The following NALCN variants were observed in gnomAD, a reference collection of about 807,000 sequenced individuals.
The protein encoded by NALCN is sodium leak channel, non-selective.
Under a neutral mutation model 225.3 loss-of-function variants are expected in NALCN, and 111 were observed. That is an observed-to-expected ratio of 0.49 (90% CI 0.42 to 0.58). The LOEUF (loss-of-function observed/expected upper bound fraction) is 0.58. NALCN is among the 20% of genes least tolerant of loss of function. The pLI is 0.00. For synonymous variants in NALCN, 764 were observed against 769.0 expected (o/e 0.99, Z 0.11); for missense variants, 1,378 against 2,202.4 (o/e 0.63, Z 7.49).
chr13:101,297,040 G>A (rs1016651520), intron 7 of NALCN, among the ~76,000 whole-genome samples: 1 of 152,056 alleles, frequency 6.6e-6, no homozygotes, highest in Admixed American at 6.6e-5. Flanking sequence ...TTTATTTACC[G>A]CTTTGCCCTC....
At chr13:101,316,741 G>A (rs1249174060) in intron 7 of NALCN, among the ~76,000 whole-genome samples, 1 of 152,056 alleles carries the variant, frequency 6.6e-6, no homozygotes, top group South Asian at 2.1e-4. Flanking sequence ...CAGTTTATAT[G>A]TTCCTTGCTT....
At chr13:101,353,511 A>C (rs2045964285) in intron 6 of NALCN, among the ~76,000 whole-genome samples, 1 of 152,260 alleles carries the variant, frequency 6.6e-6, no homozygotes, top group Admixed American at 6.5e-5. Flanking sequence ...GGAAAGCAAG[A>C]GTCTTATTTG....
chr13:101,124,981 A>G (rs1350668637), intron 17 of NALCN, among the ~76,000 whole-genome samples: 1 of 151,820 alleles, frequency 6.6e-6, no homozygotes, highest in African/African-American at 2.4e-5. Flanking sequence ...CTCATACTGG[A>G]CTCCTTATTT....
intron 28 of NALCN, among the ~76,000 whole-genome samples, chr13:101,090,320 T>G (rs144441133): frequency 6.6e-6 from 1 of 152,244 alleles, no homozygotes; most frequent in Admixed American, 6.5e-5. Context: ...CCCTGAGGAC[T>G]GGACAGATGA....
chr13:101,107,499 G>A lies in NALCN; in HGVS notation c.2567C>T (p.Ala856Val), dbSNP rs777060262. The stretch of plus-strand genomic sequence containing the variant: ...GAAGTGTACTTACGCGTTGAAGCGT[G>A]CTCGGACCACCACCCGGCAAAAGTT... The part of the protein sequence containing the change: ...FRNFCRVVVR[A>V]RFNASKTDPV... The change falls in exon 22 of 44, where the codon GCA (alanine) becomes GTA (valine). Residue 856 changes from alanine (A) to valine (V), a missense_variant. Physicochemically the swap from Ala to Val is moderately conservative, Grantham distance 64 (BLOSUM62 0). Coordinates refer to ENST00000251127, the MANE Select transcript of NALCN (RefSeq NM_052867.4). 6.2e-7 allele frequency: 1 copy of A among 1,614,104 alleles called. No homozygotes were observed. The highest frequency in any genetic ancestry group is 1.7e-5 in the Admixed American group (1 of 60,010).
chr13:101,277,917 C>T (rs2043018457), intron 10 of NALCN, among the ~76,000 whole-genome samples: 1 of 152,142 alleles, frequency 6.6e-6, no homozygotes, highest in Non-Finnish European at 1.5e-5. Context: ...CAGCTCTGGC[C>T]AACTCTAGCC....
chr13:101,069,266 A>G (rs2032666375), intron 37 of NALCN, among the ~76,000 whole-genome samples: 1 of 152,280 alleles, frequency 6.6e-6, no homozygotes, highest in South Asian at 2.1e-4. Flanking sequence ...TTTCAGTTCC[A>G]GACTGCTGTG....
rs543394261 is a variant in NALCN at position 101,370,627 on chromosome 13, A to G, written c.644+6073T>C. Among the ~76,000 whole-genome samples, 11 of 152,350 alleles carry G rather than the reference A, an allele frequency of 7.2e-5. No homozygotes were observed. In the East Asian group the frequency reaches 2.1e-3, roughly 29 times the overall value. ...CACAGGAACAGACCCACGTATAGAC[A>G]GGGAATTAGTGAATGAGACAGGTGA... is the stretch of plus-strand genomic sequence containing the variant. On this transcript the variant is annotated intron_variant, in intron 6 of 43. Coordinates refer to ENST00000251127, the MANE Select transcript of NALCN (RefSeq NM_052867.4).
At position 101,132,485 on chromosome 13, in the gene NALCN, C is replaced by T. The variant is rs183175724; in HGVS notation, c.2119-7804G>A. ...CATTGAATGAAGAATTTTATAGATG[C>T]CCATTGCACATTTAAAAATGTACAT... On this transcript the variant is annotated intron_variant, in intron 17 of 43. Coordinates refer to ENST00000251127, the MANE Select transcript of NALCN (RefSeq NM_052867.4). Among the ~76,000 whole-genome samples the T allele has an allele frequency of 1.5e-4, 23 of 152,126 alleles. 1 individual carries two copies. The highest frequency in any genetic ancestry group is 5.3e-4 in the African/African-American group (22 of 41,542).
chr13:101,396,209 C>T (rs968743008), intron 2 of NALCN, among the ~76,000 whole-genome samples: 1 of 151,848 alleles, frequency 6.6e-6, no homozygotes, highest in African/African-American at 2.4e-5. Flanking sequence ...AATATATATA[C>T]AGGACATACA....
intron 1 of NALCN, among the ~76,000 whole-genome samples, chr13:101,411,205 TTC>T (rs760054154): frequency 4.0e-5 from 5 of 124,110 alleles, no homozygotes; most frequent in Non-Finnish European, 8.3e-5. Context: ...TTTATCCTCT[TTC>T]TTTTTTTTCC....
intron 15 of NALCN, among the ~76,000 whole-genome samples, chr13:101,160,521 A>G (rs1333560710): frequency 6.6e-6 from 1 of 152,182 alleles, no homozygotes; most frequent in East Asian, 1.9e-4. Context: ...GAGCTGGATT[A>G]TCTCAGCTCC....
At chr13:101,068,666 GT>G in intron 38 of NALCN, 28 bp downstream of exon 38, 1 of 1,551,510 alleles carries the variant, frequency 6.4e-7, no homozygotes, top group Non-Finnish European at 8.7e-7. Context: ...AGTTTAAAGA[GT>G]AAAAAGTATT....
chr13:101,058,293 A>T, intron 42 of NALCN: 1 of 470,532 alleles, frequency 2.1e-6, no homozygotes, highest in South Asian at 3.2e-5. Flanking sequence ...GTCCTGGGTA[A>T]CCCCCACTGC....
At chr13:101,252,841 C>T (rs1235250488) in intron 11 of NALCN, among the ~76,000 whole-genome samples, 1 of 152,040 alleles carries the variant, frequency 6.6e-6, no homozygotes, top group Admixed American at 6.5e-5. Context: ...CCGTTGCCTT[C>T]CTTGTTGTAT....
Position 101,399,147 on chromosome 13 carries a change from G to A in NALCN, c.-21C>T. ...AGCATGCTGAGGTTAGCTTTGGTGA[G>A]CAAGCACAAAACCACAGTCTGGGAA... On this transcript the variant is annotated 5_prime_UTR_variant, in exon 2 of 44. Coordinates refer to ENST00000251127, the MANE Select transcript of NALCN (RefSeq NM_052867.4). 1 of 1,612,238 alleles carries A rather than the reference G, an allele frequency of 6.2e-7. No individual in the cohort carries two copies. The highest frequency in any genetic ancestry group is 1.1e-5 in the South Asian group (1 of 90,940).
At chr13:101,402,872 C>T (rs2047515134) in intron 1 of NALCN, among the ~76,000 whole-genome samples, 1 of 152,160 alleles carries the variant, frequency 6.6e-6, no homozygotes, top group Non-Finnish European at 1.5e-5. Context: ...TTCAGGTTCC[C>T]CATGTGCAGC....
chr13:101,293,267 G>C (rs1486435406), intron 7 of NALCN, among the ~76,000 whole-genome samples: 1 of 151,990 alleles, frequency 6.6e-6, no homozygotes, highest in Non-Finnish European at 1.5e-5. Flanking sequence ...CTGTAAAATG[G>C]GAAATAACAC....
intron 7 of NALCN, among the ~76,000 whole-genome samples, chr13:101,336,566 C>T (rs1046563257): frequency 1.3e-5 from 2 of 152,122 alleles, no homozygotes; most frequent in Non-Finnish European, 2.9e-5. Flanking sequence ...TCTTAGCATC[C>T]AAAATCCACA....
Sources: allele counts gnomAD v4.1 joint callset (sites outside exome capture counted in the v4.1 genomes callset), GRCh38; gene constraint gnomAD v4.1.1; transcripts MANE v1.5; gene names NCBI Gene and HGNC (gene_info 2026-07-23, HGNC 2026-07-21).